Variants in MYO5B observed in about 807,000 individuals in gnomAD.
MYO5B encodes unconventional myosin-Vb.
MYO5B carries 143 observed loss-of-function variants against 229.3 expected under a neutral mutation model. The observed-to-expected ratio is 0.62, with a 90% CI of 0.54 to 0.72. The LOEUF (loss-of-function observed/expected upper bound fraction) is 0.72, where lower values mean the gene tolerates loss of function less well. Ranked by LOEUF, MYO5B falls within the 30% of genes least tolerant of loss-of-function variation. The pLI is 0.00. For synonymous variants in MYO5B, 918 were observed against 885.2 expected (o/e 1.04, Z -0.66); for missense variants, 2,321 against 2,331.0 (o/e 1.00, Z 0.09).
intron 6 of MYO5B, among the ~76,000 whole-genome samples, chr18:49,991,637 A>C (rs1264929086): frequency 6.6e-6 from 1 of 152,146 alleles, no homozygotes. Context: ...GAACACATGG[A>C]CACAGGGAGG....
chr18:50,178,057 A>G (rs1365330709), intron 1 of MYO5B, among the ~76,000 whole-genome samples: 1 of 152,220 alleles, frequency 6.6e-6, no homozygotes, highest in Admixed American at 6.5e-5. Flanking sequence ...TACACCCGGC[A>G]CCATGCTAAG....
At chr18:50,121,844 C>T (rs1246519853) in intron 1 of MYO5B, among the ~76,000 whole-genome samples, 3 of 152,224 alleles carry the variant, frequency 2.0e-5, no homozygotes, top group Admixed American at 6.5e-5. Flanking sequence ...TAGCAGACAA[C>T]CAAAGACTGC....
chr18:49,935,294 T>G (rs2025236881), intron 16 of MYO5B, among the ~76,000 whole-genome samples: 1 of 152,034 alleles, frequency 6.6e-6, no homozygotes, highest in Non-Finnish European at 1.5e-5. Context: ...GAAATAAAAT[T>G]CAGAATTCAG....
Position 50,114,502 on chromosome 18 carries a change from C to T in MYO5B, c.28-59124G>A, listed in dbSNP as rs2031921912. Among the ~76,000 whole-genome samples the T allele has an allele frequency of 2.0e-5, 3 of 152,184 alleles. No individual in the cohort carries two copies. The South Asian group carries it at 6.2e-4, about 32-fold the overall frequency. On this transcript the variant is annotated intron_variant, in intron 1 of 39. Transcript: ENST00000285039. ...ACAGCCCGGCTTCCCAGGATAGCTG[C>T]CTTCTAATTAAGAGGTAACTTAGGC... is the stretch of plus-strand genomic sequence containing the variant.
rs2025262660 is a variant in MYO5B at position 49,937,352 on chromosome 18, G to A, written c.1798C>T (p.Pro600Ser). The A allele has an allele frequency of 1.2e-6, 2 of 1,613,988 alleles. No homozygotes were observed. Among genetic ancestry groups the A allele is most frequent in the Non-Finnish European group, 1.7e-6 (2 of 1,179,962 alleles). Residue 600 changes from proline (P) to serine (S), a missense_variant, in exon 15 of 40, where the codon CCT becomes TCT. Pro to Ser is a moderately conservative substitution (Grantham distance 74). This residue lies in a region of MYO5B where 2,113 missense variants were observed against 2,044.7 expected (regional missense o/e 1.03). Coordinates refer to ENST00000285039, the MANE Select transcript of MYO5B (RefSeq NM_001080467.3). ...GACCCCTTCCCAGGGGTGGTGGCAG[G>A]AACAGGGTCCTTGTCATCATGAAAC... ...DLFHDDKDPV[P>S]ATTPGKGSSS...
intron 7 of MYO5B, among the ~76,000 whole-genome samples, chr18:49,985,099 C>A (rs140206145): frequency 1.3e-5 from 2 of 152,168 alleles, no homozygotes; most frequent in African/African-American, 2.4e-5. Flanking sequence ...AAGGCATATA[C>A]GTCACAGACA....
intron 4 of MYO5B, among the ~76,000 whole-genome samples, chr18:50,018,428 T>C (rs2026239968): frequency 6.6e-6 from 1 of 152,218 alleles, no homozygotes; most frequent in South Asian, 2.1e-4. Flanking sequence ...ATTCCTTATA[T>C]GCTATAAACT....
At chr18:49,871,770 C>G (rs925709015) in intron 27 of MYO5B, 1 of 304,488 alleles carries the variant, frequency 3.3e-6, no homozygotes, top group East Asian at 8.1e-5. Flanking sequence ...TCGGAAGCCC[C>G]TTTTCTGTGC....
At chr18:49,841,717 C>T (rs2024059693) in intron 34 of MYO5B, among the ~76,000 whole-genome samples, 1 of 152,202 alleles carries the variant, frequency 6.6e-6, no homozygotes, top group African/African-American at 2.4e-5. Flanking sequence ...ACATAAAGGA[C>T]AGGCTGCCTT....
intron 18 of MYO5B, among the ~76,000 whole-genome samples, chr18:49,909,328 A>T (rs2024933585): frequency 6.6e-6 from 1 of 152,244 alleles, no homozygotes; most frequent in Non-Finnish European, 1.5e-5. Context: ...AACTGCACTC[A>T]GTGACATTAC....
intron 2 of MYO5B, among the ~76,000 whole-genome samples, chr18:50,043,415 ATTTAAATATAT>A (rs1430806371): frequency 1.0e-5 from 1 of 95,612 alleles, no homozygotes; most frequent in Non-Finnish European, 1.9e-5. Flanking sequence ...AATATTAAAT[ATTTAAATATAT>A]TTAAATATAT....
intron 21 of MYO5B, among the ~76,000 whole-genome samples, chr18:49,900,959 G>A (rs2144140921): frequency 6.6e-6 from 1 of 152,262 alleles, no homozygotes. Flanking sequence ...TAGGATCCTG[G>A]TCCCAGCACT....
chr18:49,937,379 A>G lies in MYO5B; in HGVS notation c.1771T>C (p.Leu591=). 6.2e-7 allele frequency: 1 copy of G among 1,614,142 alleles called. No individual in the cohort carries two copies. The highest frequency in any genetic ancestry group is 8.5e-7 in the Non-Finnish European group (1 of 1,179,972). ...KASKFPLVAD[L]FHDDKDPVPA... is the part of the protein sequence containing the mutation. ...ACAGGGTCCTTGTCATCATGAAACAAGTCAGCCACTAGTGGGAACTAGAAA... is the reference window on the plus strand; with the variant it reads ...ACAGGGTCCTTGTCATCATGAAACAGGTCAGCCACTAGTGGGAACTAGAAA... The change falls in exon 15 of 40, where the codon TTG becomes CTG. Residue 591 remains leucine (L), a synonymous_variant. Transcript: ENST00000285039.
At chr18:50,178,784 A>G (rs772869105) in intron 1 of MYO5B, among the ~76,000 whole-genome samples, 2 of 152,186 alleles carry the variant, frequency 1.3e-5, no homozygotes, top group African/African-American at 4.8e-5. Flanking sequence ...ACATCTTCGC[A>G]TCTGTCCCAT....
At chr18:50,154,981 C>T (rs2032657083) in intron 1 of MYO5B, among the ~76,000 whole-genome samples, 2 of 152,218 alleles carry the variant, frequency 1.3e-5, no homozygotes, top group Admixed American at 1.3e-4. Context: ...GGTAGCACCA[C>T]AGACTAAAAA....
intron 22 of MYO5B, among the ~76,000 whole-genome samples, chr18:49,890,653 G>T (rs748447225): frequency 1.3e-5 from 2 of 152,188 alleles, no homozygotes; most frequent in Admixed American, 6.5e-5. Flanking sequence ...CCAGCGCAAG[G>T]TTTCTAGTAG....
At chr18:49,846,304 G>A (rs1007359172) in intron 33 of MYO5B, among the ~76,000 whole-genome samples, 10 of 152,144 alleles carry the variant, frequency 6.6e-5, no homozygotes, top group East Asian at 1.9e-4. Context: ...GGCCTGGCAC[G>A]GAGCCCGAGA....
At chr18:49,842,371 G>A (rs2024069025) in intron 34 of MYO5B, among the ~76,000 whole-genome samples, 1 of 152,208 alleles carries the variant, frequency 6.6e-6, no homozygotes, top group Non-Finnish European at 1.5e-5. Context: ...ACTGAGGGCA[G>A]GAAACCAGAC....
rs1193388868 is a variant in MYO5B at position 50,122,632 on chromosome 18, GGGGAGAGAGAGA to G, written c.28-67266_28-67255del. Among the ~76,000 whole-genome samples, 66 of 13,406 alleles carry G rather than the reference GGGGAGAGAGAGA, an allele frequency of 4.9e-3. 1 individual carries two copies. Among genetic ancestry groups the G allele is most frequent in the African/African-American group, 0.014 (63 of 4,612 alleles). The allele number at this position is 13,406 out of a possible 152,430, so 8.8% of individuals were successfully genotyped here. On this transcript the variant is annotated intron_variant, in intron 1 of 39. Coordinates refer to ENST00000285039, the MANE Select transcript of MYO5B (RefSeq NM_001080467.3). Reference sequence around the variant, plus strand: ...AAAGAGAGGGAGGGAGGGAAGGGGGGGGGAGAGAGAGAGAGAGAGAGAGAGAGAGAGAGAGAG... The same window carrying G: ...AAAGAGAGGGAGGGAGGGAAGGGGGGGAGAGAGAGAGAGAGAGAGAGAGAG...
Sources: allele counts gnomAD v4.1 joint callset (sites outside exome capture counted in the v4.1 genomes callset), GRCh38; gene constraint gnomAD v4.1.1; regional missense constraint gnomAD v4.1.1; transcripts MANE v1.5; gene names NCBI Gene and HGNC (gene_info 2026-07-23, HGNC 2026-07-21).